LNPEP: variants seen among roughly 807,000 people sequenced by gnomAD.
LNPEP encodes leucyl-cystinyl aminopeptidase.
LNPEP carries 64 observed loss-of-function variants against 120.6 expected under a neutral mutation model. The ratio of observed to expected loss-of-function variants is 0.53; its 90% CI spans 0.43 to 0.65. LNPEP has a LOEUF of 0.65. Ranked by LOEUF, LNPEP falls within the 30% of genes least tolerant of loss-of-function variation. The pLI is 0.00. For missense variants in LNPEP, 1,057 were observed against 1,200.0 expected (o/e 0.88, Z 1.76); for synonymous variants, 435 against 425.4 (o/e 1.02, Z -0.28).
intron 16 of LNPEP, among the ~76,000 whole-genome samples, chr5:97,027,127 G>C (rs745661745): frequency 7.2e-5 from 11 of 152,198 alleles, no homozygotes; most frequent in African/African-American, 2.4e-4. Flanking sequence ...GCCGAGATGG[G>C]CGGATCACGA....
chr5:97,008,355 T>G (rs1469891151), intron 11 of LNPEP, among the ~76,000 whole-genome samples: 1 of 124,022 alleles, frequency 8.1e-6, no homozygotes, highest in African/African-American at 3.1e-5. Context: ...TTTTTTTTTT[T>G]TTTTTTTTTT....
intron 1 of LNPEP, among the ~76,000 whole-genome samples, chr5:96,948,181 G>A (rs1227482824): frequency 3.3e-5 from 5 of 150,660 alleles, no homozygotes; most frequent in Non-Finnish European, 7.4e-5. Flanking sequence ...GCAGTGGCAC[G>A]ATCTCGGCTC....
chr5:96,992,049 G>A (rs1790401364), intron 4 of LNPEP, among the ~76,000 whole-genome samples: 4 of 151,888 alleles, frequency 2.6e-5, no homozygotes, highest in South Asian at 4.2e-4. Flanking sequence ...ATACTGTTTT[G>A]TAAAACCCAT....
At chr5:96,956,701 A>T (rs1386847001) in intron 1 of LNPEP, among the ~76,000 whole-genome samples, 1 of 151,980 alleles carries the variant, frequency 6.6e-6, no homozygotes, top group Non-Finnish European at 1.5e-5. Context: ...GTTTGAGGTG[A>T]TTGTTTCTTC....
At chr5:96,938,063 T>C (rs1423566) in intron 1 of LNPEP, among the ~76,000 whole-genome samples, 61,398 of 152,082 alleles carry the variant, frequency 0.4, 12,476 homozygotes, top group Non-Finnish European at 0.43. Context: ...CTACAGTCAA[T>C]AAGAAATTAA....
At position 97,003,481 on chromosome 5, in the gene LNPEP, C is replaced by G. The variant is rs762147453; in HGVS notation, c.1720C>G (p.Leu574Val). The G allele has an allele frequency of 5.6e-6, 9 of 1,604,778 alleles. No individual in the cohort carries two copies. The highest frequency in any genetic ancestry group is 7.7e-6 in the Non-Finnish European group (9 of 1,173,286). ...SEDVFQHAVV[L>V]YLHNHSYASI... Reference sequence around the variant, plus strand: ...AGATGTGTTTCAACATGCTGTTGTCCTTTACCTGCATAATCACAGCTATGC... The same window carrying G: ...AGATGTGTTTCAACATGCTGTTGTCGTTTACCTGCATAATCACAGCTATGC... Residue 574 changes from leucine (L) to valine (V), a missense_variant, in exon 9 of 18, where the codon CTT becomes GTT. Coordinates refer to ENST00000231368, the MANE Select transcript of LNPEP (RefSeq NM_005575.3).
intron 13 of LNPEP, among the ~76,000 whole-genome samples, chr5:97,021,242 CAT>C (rs1491210802): frequency 7.6e-4 from 115 of 151,866 alleles, no homozygotes; most frequent in Middle Eastern, 6.8e-3. Flanking sequence ...ACAAGAAAAA[CAT>C]GTGTGCGTAT....
intron 1 of LNPEP, among the ~76,000 whole-genome samples, chr5:96,973,262 T>C (rs987843794): frequency 1.1e-4 from 16 of 152,154 alleles, no homozygotes; most frequent in Non-Finnish European, 2.4e-4. Flanking sequence ...TTTGTCCATT[T>C]GGACCTACCC....
At position 96,998,219 on chromosome 5, in the gene LNPEP, T is replaced by C. The variant is rs138888453; in HGVS notation, c.1653+74T>C. On this transcript the variant is annotated intron_variant, in intron 8 of 17. Transcript: ENST00000231368. ...TAATTTCGTATGTGAGCAAGCTGTG[T>C]GATTTAGATTATTTTAAAGATTAAA... 5,935 of 1,095,902 alleles carry C rather than the reference T, an allele frequency of 5.4e-3. 29 individuals are homozygous for C. The highest frequency in any genetic ancestry group is 6.5e-3 in the Non-Finnish European group (4,945 of 760,880). 67.9% of individuals were successfully genotyped at this position (1,095,902 alleles called of 1,614,324 possible).
rs143302614 is a variant in LNPEP at position 97,003,625 on chromosome 5, G to A, written c.1785+79G>A. The A allele has an allele frequency of 4.4e-5, 44 of 1,006,914 alleles. No homozygotes were observed. In the East Asian group the frequency reaches 1.0e-3, roughly 24 times the overall value. 62.4% of individuals were successfully genotyped at this position (1,006,914 alleles called of 1,614,324 possible). A position where few individuals can be genotyped will look rare whatever the true frequency, so the allele number is the denominator to read the frequency against. On this transcript the variant is annotated intron_variant, in intron 9 of 17. Transcript: ENST00000231368. ...TCTATTTATACTTTTTAGCATGTGT[G>A]TAAGTTAATCTGTGGTACAAAGCAT...
intron 8 of LNPEP, among the ~76,000 whole-genome samples, chr5:96,999,392 A>C (rs1790592320): frequency 6.6e-6 from 1 of 152,152 alleles, no homozygotes; most frequent in Non-Finnish European, 1.5e-5. Flanking sequence ...CCAGTAAAGA[A>C]AGAGGCAGAA....
chr5:97,001,969 G>A (rs1358398793), intron 8 of LNPEP, among the ~76,000 whole-genome samples: 2 of 152,002 alleles, frequency 1.3e-5, no homozygotes, highest in African/African-American at 4.8e-5. Flanking sequence ...GTGAAACCCC[G>A]TCTCTACTAA....
chr5:96,945,619 C>T (rs777656299), intron 1 of LNPEP, among the ~76,000 whole-genome samples: 71 of 152,080 alleles, frequency 4.7e-4, no homozygotes, highest in Non-Finnish European at 7.6e-4. Flanking sequence ...AGTGTTTCGT[C>T]AGTCTTAAGA....
intron 14 of LNPEP, 73 bp downstream of exon 14, chr5:97,022,557 T>C: frequency 8.4e-7 from 1 of 1,184,870 alleles, no homozygotes; most frequent in East Asian, 2.4e-5. Flanking sequence ...ATCCAGGGTA[T>C]TCTCATCCTG....
intron 1 of LNPEP, among the ~76,000 whole-genome samples, chr5:96,966,508 TTGTGTGTG>T (rs375861296): frequency 1.2e-3 from 159 of 133,446 alleles, no homozygotes; most frequent in African/African-American, 2.6e-3. Flanking sequence ...TTACATATAT[TTGTGTGTG>T]TGTGTGTGTG....
intron 8 of LNPEP, among the ~76,000 whole-genome samples, chr5:97,002,906 A>C (rs1790688324): frequency 6.6e-6 from 1 of 152,154 alleles, no homozygotes; most frequent in African/African-American, 2.4e-5. Context: ...TGCAGGAAGA[A>C]GAGAGATTCT....
chr5:97,014,241 T>C (rs964547682), intron 12 of LNPEP, among the ~76,000 whole-genome samples: 11 of 152,154 alleles, frequency 7.2e-5, no homozygotes, highest in Non-Finnish European at 1.2e-4. Context: ...ACTGCTTGCC[T>C]CCCCAACCAC....
In LNPEP at chr5:97,023,410, C is replaced by T. The variant is rs554592270; in HGVS notation, c.2561+926C>T. Among the ~76,000 whole-genome samples, 3 of 152,202 alleles carry T rather than the reference C, an allele frequency of 2.0e-5. No individual in the cohort carries two copies. The South Asian group carries it at 6.2e-4, about 32-fold the overall frequency. On this transcript the variant is annotated intron_variant, in intron 14 of 17. Transcript: ENST00000231368. ...CTGGGATTACAGGCATCCGCCACCA[C>T]ACCTGGCTAATTTTTGTATATTTAG...
At chr5:96,961,631 G>A (rs1789609374) in intron 1 of LNPEP, among the ~76,000 whole-genome samples, 1 of 152,036 alleles carries the variant, frequency 6.6e-6, no homozygotes, top group Non-Finnish European at 1.5e-5. Context: ...TCTGAGGATT[G>A]GTTCCAGGAT....
Sources: allele counts gnomAD v4.1 joint callset (sites outside exome capture counted in the v4.1 genomes callset), GRCh38; gene constraint gnomAD v4.1.1; transcripts MANE v1.5; gene names NCBI Gene and HGNC (gene_info 2026-07-23, HGNC 2026-07-21).